Variants in GMPR observed in about 807,000 individuals in gnomAD.
The protein encoded by GMPR is guanosine monophosphate reductase.
GMPR carries 31 observed loss-of-function variants against 38.4 expected under a neutral mutation model. The ratio of observed to expected loss-of-function variants is 0.81; its 90% CI spans 0.61 to 1.09. The LOEUF is 1.09. GMPR is among the 50% of genes least tolerant of loss of function. GMPR has a pLI of 0.00. For synonymous variants in GMPR, 162 were observed against 173.3 expected, an observed-to-expected ratio of 0.93 and a Z score of 0.51; for missense variants, 468 against 453.7, an observed-to-expected ratio of 1.03 and a Z score of -0.29.
At chr6:16,250,412 A>G in intron 3 of GMPR, 45 bp downstream of exon 3, 1 of 1,070,548 alleles carries the variant, frequency 9.3e-7, no homozygotes, top group Non-Finnish European at 1.5e-6. Flanking sequence ...TGCAGGGGGG[A>G]ACAAAATCTT....
intron 4 of GMPR, among the ~76,000 whole-genome samples, chr6:16,269,841 A>G (rs1360575153): frequency 1.3e-5 from 2 of 152,220 alleles, no homozygotes; most frequent in Non-Finnish European, 2.9e-5. Flanking sequence ...TTATTTTCAC[A>G]GTTCTGAAGG....
chr6:16,259,487 G>A (rs959530647), intron 4 of GMPR: 8 of 151,868 alleles, frequency 5.3e-5, no homozygotes, highest in Admixed American at 4.0e-4. Flanking sequence ...GTGTTGGGAC[G>A]GTGAAAATTT....
chr6:16,240,503 G>T (rs190767590), intron 1 of GMPR, among the ~76,000 whole-genome samples: 96 of 152,274 alleles, frequency 6.3e-4, no homozygotes, highest in Admixed American at 4.5e-3. Context: ...TAGGGCAGTG[G>T]TGCTCACCTG....
chr6:16,289,048 T>G (rs1449819499), intron 7 of GMPR, among the ~76,000 whole-genome samples: 8 of 152,226 alleles, frequency 5.3e-5, no homozygotes, highest in Non-Finnish European at 2.9e-5. Flanking sequence ...CAAACCCTTC[T>G]GGCTCCTTTT....
intron 7 of GMPR, among the ~76,000 whole-genome samples, chr6:16,287,672 C>G (rs1459190739): frequency 1.3e-5 from 2 of 152,236 alleles, no homozygotes; most frequent in African/African-American, 4.8e-5. Context: ...CCTGAATTGT[C>G]AAGAATCCTG....
At chr6:16,246,074 G>A (rs879619653) in intron 1 of GMPR, among the ~76,000 whole-genome samples, 1 of 152,248 alleles carries the variant, frequency 6.6e-6, no homozygotes, top group Non-Finnish European at 1.5e-5. Context: ...TGGGTGGGCA[G>A]ACAGGCTGGC....
intron 4 of GMPR, among the ~76,000 whole-genome samples, chr6:16,272,965 G>A (rs991503258): frequency 6.6e-6 from 1 of 151,986 alleles, no homozygotes; most frequent in East Asian, 1.9e-4. Flanking sequence ...ACTTGGCCAA[G>A]TTTTTAGTTT....
chr6:16,285,735 G>A, intron 6 of GMPR, 58 bp from the exon 7 acceptor site: 1 of 1,450,242 alleles, frequency 6.9e-7, no homozygotes, highest in Non-Finnish European at 9.7e-7. Flanking sequence ...GGGGGGAGGG[G>A]ACAGCCTGGC....
chr6:16,278,284 C>T (rs1181387240), intron 5 of GMPR, among the ~76,000 whole-genome samples: 1 of 152,124 alleles, frequency 6.6e-6, no homozygotes, highest in African/African-American at 2.4e-5. Context: ...GCCACAACCC[C>T]AGGAGGTTGT....
In GMPR at chr6:16,291,990, G is replaced by T. The variant is rs1428287365; in HGVS notation, c.857+1369G>T. 5.3e-5 allele frequency among the ~76,000 whole-genome samples: 8 copies of T among 152,240 alleles called. No individual in the cohort carries two copies. In the East Asian group the frequency reaches 7.7e-4, roughly 15 times the overall value. On this transcript the variant is annotated intron_variant, in intron 8 of 8. Transcript: ENST00000259727. ...AGAGCCTACTGTTACTCTCATCAGG[G>T]TTAGCGCCGATGACAAGCTATACAA...
At chr6:16,270,302 C>T (rs985747356) in intron 4 of GMPR, among the ~76,000 whole-genome samples, 6 of 152,162 alleles carry the variant, frequency 3.9e-5, no homozygotes, top group African/African-American at 1.4e-4. Flanking sequence ...CTGCCTGCCT[C>T]AGTGCTCTGG....
chr6:16,258,893 A>G (rs1194427775), intron 4 of GMPR, among the ~76,000 whole-genome samples: 1 of 152,238 alleles, frequency 6.6e-6, no homozygotes, highest in African/African-American at 2.4e-5. Flanking sequence ...TACAGTGAAC[A>G]GAAAGGATGC....
chr6:16,245,828 C>T (rs192540500), intron 1 of GMPR, among the ~76,000 whole-genome samples: 28 of 152,286 alleles, frequency 1.8e-4, no homozygotes, highest in African/African-American at 5.8e-4. Context: ...ACAAGGAATA[C>T]GCAGGCCTCT....
intron 6 of GMPR, among the ~76,000 whole-genome samples, chr6:16,283,294 TG>T (rs1314535240): frequency 6.6e-6 from 1 of 152,244 alleles, no homozygotes; most frequent in Non-Finnish European, 1.5e-5. Context: ...CAAATGTTGT[TG>T]TTTTTAACAA....
intron 4 of GMPR, among the ~76,000 whole-genome samples, chr6:16,267,994 C>T (rs1159579760): frequency 1.3e-5 from 2 of 152,194 alleles, no homozygotes; most frequent in Admixed American, 1.3e-4. Flanking sequence ...CGCTGTACGC[C>T]TCTTCACAGA....
At chr6:16,255,621 T>A (rs1261298727) in intron 4 of GMPR, among the ~76,000 whole-genome samples, 1 of 152,206 alleles carries the variant, frequency 6.6e-6, no homozygotes, top group African/African-American at 2.4e-5. Flanking sequence ...TTGGGAAAGA[T>A]GGATTGGCAG....
intron 4 of GMPR, chr6:16,264,594 G>GAT (rs1263042771): frequency 2.0e-5 from 3 of 152,224 alleles, no homozygotes; most frequent in Non-Finnish European, 2.9e-5. Context: ...AGCGAAGGGA[G>GAT]ATAGGGGTGG....
chr6:16,253,005 T>C (rs888776501), intron 3 of GMPR, among the ~76,000 whole-genome samples: 1 of 152,254 alleles, frequency 6.6e-6, no homozygotes, highest in Non-Finnish European at 1.5e-5. Flanking sequence ...AGTTAAAATA[T>C]AAACAATCCA....
At chr6:16,250,496 T>C (rs969947456) in intron 3 of GMPR, 129 bp downstream of exon 3, 9 of 667,942 alleles carry the variant, frequency 1.3e-5, no homozygotes, top group African/African-American at 1.2e-4. Context: ...CCCTGTGCCA[T>C]TGCCAGGGAT....
Sources: allele counts gnomAD v4.1 joint callset (sites outside exome capture counted in the v4.1 genomes callset), GRCh38; gene constraint gnomAD v4.1.1; transcripts MANE v1.5; gene names NCBI Gene and HGNC (gene_info 2026-07-23, HGNC 2026-07-21).